NAV1: variants seen among roughly 807,000 people sequenced by gnomAD.
The protein encoded by NAV1 is neuron navigator 1.
In NAV1, 18 loss-of-function variants were observed where a neutral mutation model predicts 175.2. That is an observed-to-expected ratio of 0.10 (90% CI 0.07 to 0.15). NAV1 has a LOEUF of 0.15. Among genes scored for constraint, NAV1 ranks in the 10% least tolerant of loss-of-function variants. The pLI is 1.00. For missense variants in NAV1, 1,731 were observed against 2,436.6 expected, an observed-to-expected ratio of 0.71 and a Z score of 6.10; for synonymous variants, 897 against 978.7, an observed-to-expected ratio of 0.92 and a Z score of 1.56.
intron 1 of NAV1, among the ~76,000 whole-genome samples, chr1:201,654,964 T>G (rs1400743545): frequency 6.6e-6 from 1 of 152,236 alleles, no homozygotes; most frequent in Non-Finnish European, 1.5e-5. Context: ...TGCTTACAGA[T>G]GAAGCTAGCC....
At chr1:201,762,326 T>C (rs1674912380) in intron 3 of NAV1, among the ~76,000 whole-genome samples, 1 of 152,176 alleles carries the variant, frequency 6.6e-6, no homozygotes, top group South Asian at 2.1e-4. Flanking sequence ...AGTTACGGAA[T>C]TGTTATTTCT....
In NAV1 at chr1:201,556,735, T is replaced by C. The variant is rs1232224908; in HGVS notation, c.-144+17393T>C. ...CTAAGGACCAGCCCTGCCCCCTCCA[T>C]AGAGGCTTGCCACCAGTCCTTGGGG... On this transcript the variant is annotated intron_variant, in intron 1 of 33. Transcript: ENST00000685211. Among the ~76,000 whole-genome samples, 4 of 152,202 alleles carry C rather than the reference T, an allele frequency of 2.6e-5. No homozygotes were observed. The South Asian group carries it at 8.3e-4, about 32-fold the overall frequency.
chr1:201,747,206 G>A (rs527538782), intron 3 of NAV1, among the ~76,000 whole-genome samples: 7 of 152,252 alleles, frequency 4.6e-5, no homozygotes, highest in Admixed American at 1.3e-4. Context: ...CCCCATTCTC[G>A]TGGCTGTGCG....
At position 201,812,651 on chromosome 1, in the gene NAV1, C is replaced by T; in HGVS notation, c.5211C>T (p.Asp1737=). ...TCCTTGAGAAGCACAGCACCTCAGA[C>T]TTCCTCATCGGTACTGGGGTCCAGC... The change falls in exon 27 of 30, where the codon GAC becomes GAT. Residue 1737 remains aspartate (D), a synonymous_variant. Transcript: ENST00000367296. The surrounding 1 kb of genome is among the most constrained non-coding windows in gnomAD (Gnocchi z 4.6). The T allele has an allele frequency of 6.2e-7, 1 of 1,613,460 alleles. No individual in the cohort carries two copies. Among genetic ancestry groups the T allele is most frequent in the Non-Finnish European group, 8.5e-7 (1 of 1,179,984 alleles).
intron 2 of NAV1, among the ~76,000 whole-genome samples, chr1:201,641,064 G>C (rs1668740195): frequency 6.6e-6 from 1 of 152,190 alleles, no homozygotes; most frequent in Non-Finnish European, 1.5e-5. Context: ...CGGGGCCGGG[G>C]AGAAGAGAGG....
At chr1:201,565,389 C>T (rs1156296127) in intron 1 of NAV1, among the ~76,000 whole-genome samples, 1 of 152,236 alleles carries the variant, frequency 6.6e-6, no homozygotes, top group Non-Finnish European at 1.5e-5. Context: ...CCTCGGTTTC[C>T]TCCGCCATCA....
intron 1 of NAV1, among the ~76,000 whole-genome samples, chr1:201,664,693 T>C (rs763032512): frequency 6.6e-6 from 1 of 152,252 alleles, no homozygotes; most frequent in South Asian, 2.1e-4. Context: ...ACTGGTTGGT[T>C]GGAGGAAACA....
chr1:201,778,098 A>C (rs1571483182), intron 3 of NAV1, among the ~76,000 whole-genome samples: 1 of 152,286 alleles, frequency 6.6e-6, no homozygotes, highest in Non-Finnish European at 1.5e-5. Flanking sequence ...TCCTCTAGCC[A>C]ACCTTCCTTG....
chr1:201,648,188 C>T, upstream of NAV1: 1 of 977,954 alleles, frequency 1.0e-6, no homozygotes, highest in Non-Finnish European at 1.2e-6. Context: ...AGCCTGCAGC[C>T]TCGACTCGGG....
At chr1:201,552,400 C>T (rs1459679425) in intron 1 of NAV1, among the ~76,000 whole-genome samples, 1 of 152,076 alleles carries the variant, frequency 6.6e-6, no homozygotes, top group East Asian at 1.9e-4. Context: ...AAGGGAATGT[C>T]CTTTCCCTTT....
intron 29 of NAV1, among the ~76,000 whole-genome samples, chr1:201,818,091 G>A (rs1679173517): frequency 6.6e-6 from 1 of 152,114 alleles, no homozygotes; most frequent in South Asian, 2.1e-4. Context: ...TTAGCTGGGT[G>A]TGATGGCACA....
chr1:201,601,867 C>T (rs1280547008), intron 2 of NAV1, among the ~76,000 whole-genome samples: 1 of 152,166 alleles, frequency 6.6e-6, no homozygotes, highest in African/African-American at 2.4e-5. Flanking sequence ...GGAGAGTCCC[C>T]TAGCCCAGCA....
intron 1 of NAV1, among the ~76,000 whole-genome samples, chr1:201,568,488 G>C (rs906914994): frequency 6.0e-4 from 91 of 152,136 alleles, no homozygotes; most frequent in Non-Finnish European, 5.9e-5. Context: ...CCACAGCTGG[G>C]CCCACTGCAG....
At chr1:201,677,785 G>A (rs990707430) in intron 1 of NAV1, among the ~76,000 whole-genome samples, 3 of 152,072 alleles carry the variant, frequency 2.0e-5, no homozygotes, top group Non-Finnish European at 2.9e-5. Context: ...GCGCCGCCAC[G>A]CCTGGCTAAT....
chr1:201,820,136 T>C (rs1679303255), exon 30 of NAV1: 1 of 546,282 alleles, frequency 1.8e-6, no homozygotes, highest in Non-Finnish European at 3.3e-6. Flanking sequence ...GGGTGGCGTT[T>C]GGGAACTTGT....
intron 1 of NAV1, among the ~76,000 whole-genome samples, chr1:201,666,307 AG>A (rs1207746155): frequency 6.6e-6 from 1 of 151,978 alleles, no homozygotes; most frequent in Non-Finnish European, 1.5e-5. Flanking sequence ...ATAATTGGAA[AG>A]GGAATCTTTC....
chr1:201,609,295 C>T (rs1018036650), intron 2 of NAV1, among the ~76,000 whole-genome samples: 5 of 152,240 alleles, frequency 3.3e-5, no homozygotes, highest in Admixed American at 2.0e-4. Flanking sequence ...GTCTGCACCT[C>T]ACAACATAGT....
At chr1:201,623,497 A>T (rs1441945591) in exon 1 of NAV1, 2 of 985,950 alleles carry the variant, frequency 2.0e-6, no homozygotes, top group Admixed American at 1.2e-4. Flanking sequence ...TCCAGTCTGC[A>T]GCCCAGTGCA....
At chr1:201,708,664 G>A (rs752317956) in intron 1 of NAV1, among the ~76,000 whole-genome samples, 92 of 152,280 alleles carry the variant, frequency 6.0e-4, no homozygotes, top group African/African-American at 2.1e-3. Context: ...AAGGTGCCAC[G>A]TAAGATGGGA....
Sources: gnomAD v4.1 joint callset for allele counts (sites outside exome capture counted in the v4.1 genomes callset) on GRCh38, gnomAD v4.1.1 for gene constraint, Gnocchi (gnomAD v3.1) non-coding constraint, MANE v1.5 for transcripts, NCBI Gene and HGNC (gene_info 2026-07-23, HGNC 2026-07-21) for gene names.